PI15: variants seen among roughly 807,000 people sequenced by gnomAD.
PI15 encodes peptidase inhibitor 15.
PI15 carries 18 observed loss-of-function variants against 31.0 expected under a neutral mutation model. The observed-to-expected ratio is 0.58, with a 90% CI of 0.40 to 0.86. PI15 has a LOEUF of 0.86. PI15 is among the 40% of genes least tolerant of loss of function. PI15 has a pLI of 0.00. For synonymous variants in PI15, 118 were observed against 119.1 expected, an observed-to-expected ratio of 0.99 and a Z score of 0.06; for missense variants, 282 against 328.1, an observed-to-expected ratio of 0.86 and a Z score of 1.09.
rs2128767013 is a variant in PI15 at position 74,852,138 on chromosome 8, A to G, written c.*2885A>G. 1 of 152,548 alleles carries G rather than the reference A, an allele frequency of 6.6e-6. No individual in the cohort carries two copies. The highest frequency in any genetic ancestry group is 6.5e-5 in the Admixed American group (1 of 15,272). 9.4% of individuals were successfully genotyped at this position (152,548 alleles called of 1,614,324 possible). ...AGCTATTTCATAAAAGCAGCTTTAAATTGTCAGTATTAAGGTTTTCATGTG... is the reference window on the plus strand; with the variant it reads ...AGCTATTTCATAAAAGCAGCTTTAAGTTGTCAGTATTAAGGTTTTCATGTG... On this transcript the variant is annotated 3_prime_UTR_variant, in exon 6 of 6. Transcript: ENST00000260113.
chr8:74,833,329 A>G (rs1430907806), intron 2 of PI15, among the ~76,000 whole-genome samples: 1 of 152,190 alleles, frequency 6.6e-6, no homozygotes, highest in Non-Finnish European at 1.5e-5. Flanking sequence ...AGGGATCTAC[A>G]GAGATGAATT....
At chr8:74,845,282 A>G (rs1031168653) in intron 4 of PI15, 22 bp downstream of exon 4, 18 of 1,610,330 alleles carry the variant, frequency 1.1e-5, no homozygotes, top group Non-Finnish European at 1.4e-5. Context: ...TACCTTGTTA[A>G]TTTTTGATTC....
Position 74,850,977 on chromosome 8 carries a change from A to G in PI15, c.*1724A>G, listed in dbSNP as rs1271293943. 1 of 152,584 alleles carries G rather than the reference A, an allele frequency of 6.6e-6. No individual in the cohort carries two copies. Among genetic ancestry groups the G allele is most frequent in the Non-Finnish European group, 1.5e-5 (1 of 68,004 alleles). The allele number at this position is 152,584 out of a possible 1,614,324, so 9.5% of individuals were successfully genotyped here. A position where few individuals can be genotyped will look rare whatever the true frequency, so the allele number is the denominator to read the frequency against. On this transcript the variant is annotated 3_prime_UTR_variant, in exon 6 of 6. Transcript: ENST00000260113. ...CATACACGTTTGCAGTTTCTTGTACACATTTGGATACTTTGAAAGATGACA... is the reference window on the plus strand; with the variant it reads ...CATACACGTTTGCAGTTTCTTGTACGCATTTGGATACTTTGAAAGATGACA...
intron 2 of PI15, among the ~76,000 whole-genome samples, chr8:74,832,582 A>G (rs1810798583): frequency 6.6e-6 from 1 of 152,120 alleles, no homozygotes; most frequent in South Asian, 2.1e-4. Flanking sequence ...TTACCATTAA[A>G]TAGCTGTGAA....
intron 2 of PI15, among the ~76,000 whole-genome samples, chr8:74,840,676 C>A (rs1165039452): frequency 6.6e-6 from 1 of 152,202 alleles, no homozygotes; most frequent in Non-Finnish European, 1.5e-5. Flanking sequence ...GCATGGGGCC[C>A]TCTGACTTCC....
At chr8:74,838,337 T>C (rs2128764954) in intron 2 of PI15, among the ~76,000 whole-genome samples, 1 of 152,270 alleles carries the variant, frequency 6.6e-6, no homozygotes, top group South Asian at 2.1e-4. Flanking sequence ...GGCATTTTTG[T>C]AACCATTACA....
intron 2 of PI15, among the ~76,000 whole-genome samples, chr8:74,835,532 A>C (rs571400563): frequency 6.6e-5 from 10 of 152,320 alleles, no homozygotes; most frequent in Non-Finnish European, 1.5e-4. Flanking sequence ...CTATATACTG[A>C]AAGAATTAAT....
In PI15 at chr8:74,845,228, T is replaced by C. The variant is rs1205326488; in HGVS notation, c.493T>C (p.Cys165Arg). The C allele has an allele frequency of 6.2e-6, 10 of 1,613,506 alleles. No homozygotes were observed. The highest frequency in any genetic ancestry group is 8.5e-6 in the Non-Finnish European group (10 of 1,179,478). ...QDCNPRCPMR[C>R]FGPMCTHYTQ... Reference sequence around the variant, plus strand: ...TTGCAACCCCAGATGTCCTATGAGATGTTTTGGTCCCATGTGCACACATTA... The same window carrying C: ...TTGCAACCCCAGATGTCCTATGAGACGTTTTGGTCCCATGTGCACACATTA... The change falls in exon 4 of 6, where the codon TGT becomes CGT. Residue 165 changes from cysteine (C) to arginine (R), a missense_variant. Physicochemically the swap from Cys to Arg is radical, Grantham distance 180. Coordinates refer to ENST00000260113, the MANE Select transcript of PI15 (RefSeq NM_015886.5).
chr8:74,844,542 G>A (rs184379676), intron 3 of PI15, among the ~76,000 whole-genome samples: 1 of 151,242 alleles, frequency 6.6e-6, no homozygotes, highest in Admixed American at 6.6e-5. Context: ...TAAAAATGTA[G>A]GCATTTACAT....
At chr8:74,837,957 C>G (rs902592364) in intron 2 of PI15, among the ~76,000 whole-genome samples, 7 of 151,802 alleles carry the variant, frequency 4.6e-5, no homozygotes, top group African/African-American at 1.5e-4. Context: ...ATTCTTTTTT[C>G]CTTAAAATTT....
chr8:74,849,338 T>A lies in PI15; in HGVS notation c.*85T>A. ...ATATGGAGAGAGAATTTTGCACATATTATACATATTTTGTGCTAATCTTGT... is the reference window on the plus strand; with the variant it reads ...ATATGGAGAGAGAATTTTGCACATAATATACATATTTTGTGCTAATCTTGT... On this transcript the variant is annotated 3_prime_UTR_variant, in exon 6 of 6. Transcript: ENST00000260113. 1.0e-6 allele frequency: 1 copy of A among 1,004,304 alleles called. No homozygotes were observed. Among genetic ancestry groups the A allele is most frequent in the East Asian group, 2.7e-5 (1 of 37,452 alleles). 62.2% of individuals were successfully genotyped at this position (1,004,304 alleles called of 1,614,324 possible).
rs139721523 is a variant in PI15 at position 74,846,425 on chromosome 8, C to T, written c.641+928C>T. Among the ~76,000 whole-genome samples the T allele has an allele frequency of 8.3e-3, 1,261 of 152,180 alleles. 15 individuals carry two copies. The highest frequency in any genetic ancestry group is 0.017 in the East Asian group (89 of 5,184). On this transcript the variant is annotated intron_variant, in intron 5 of 5. Coordinates refer to ENST00000260113, the MANE Select transcript of PI15 (RefSeq NM_015886.5). ...AAAGCATTAAAATTTTACATTTATACGAAAATTTTAGTTTTACACATTGCA... is the reference window on the plus strand; with the variant it reads ...AAAGCATTAAAATTTTACATTTATATGAAAATTTTAGTTTTACACATTGCA...
chr8:74,833,917 G>A (rs1810824703), intron 2 of PI15, among the ~76,000 whole-genome samples: 1 of 152,212 alleles, frequency 6.6e-6, no homozygotes, highest in Non-Finnish European at 1.5e-5. Context: ...TGCAGCAGAT[G>A]AGTGAGCATT....
In PI15 at chr8:74,854,652, C is replaced by A. The variant is rs1811155039; in HGVS notation, c.*5399C>A. 1 of 152,068 alleles carries A rather than the reference C, an allele frequency of 6.6e-6. No homozygotes were observed. The highest frequency in any genetic ancestry group is 1.5e-5 in the Non-Finnish European group (1 of 68,002). The allele number at this position is 152,068 out of a possible 1,614,324, so 9.4% of individuals were successfully genotyped here. A position where few individuals can be genotyped will look rare whatever the true frequency, so the allele number is the denominator to read the frequency against. ...AATTAAATACTGTGCTAAGCTGGTG[C>A]TTGGATACATATTACAGCATCTTGT... On this transcript the variant is annotated 3_prime_UTR_variant, in exon 6 of 6. Transcript: ENST00000260113.
intron 2 of PI15, among the ~76,000 whole-genome samples, chr8:74,839,401 G>A (rs1326105577): frequency 6.6e-6 from 1 of 152,078 alleles, no homozygotes; most frequent in African/African-American, 2.4e-5. Flanking sequence ...CATCCTACAA[G>A]CCTATGCATA....
chr8:74,833,971 A>AT (rs1370509486), intron 2 of PI15, among the ~76,000 whole-genome samples: 1 of 152,126 alleles, frequency 6.6e-6, no homozygotes, highest in East Asian at 1.9e-4. Context: ...GCAGGATTAG[A>AT]TTTTCACAGG....
chr8:74,849,705 T>C lies in PI15; in HGVS notation c.*452T>C, dbSNP rs1177330614. 6.6e-6 allele frequency: 1 copy of C among 152,342 alleles called. No individual in the cohort carries two copies. Among genetic ancestry groups the C allele is most frequent in the African/African-American group, 2.4e-5 (1 of 41,442 alleles). The allele number at this position is 152,342 out of a possible 1,614,324, so 9.4% of individuals were successfully genotyped here. ...GATTCAGTAGTCAACTTGAGGGAAA[T>C]TTTTAAAAAACTATTCTCAATTATA... On this transcript the variant is annotated 3_prime_UTR_variant, in exon 6 of 6. Coordinates refer to ENST00000260113, the MANE Select transcript of PI15 (RefSeq NM_015886.5).
intron 2 of PI15, among the ~76,000 whole-genome samples, chr8:74,830,822 C>A (rs765512940): frequency 6.6e-6 from 1 of 151,960 alleles, no homozygotes. Flanking sequence ...TAATGTAAAC[C>A]TCTCCAATGC....
intron 2 of PI15, among the ~76,000 whole-genome samples, 168 bp downstream of exon 2, chr8:74,825,690 A>C (rs1269414217): frequency 6.6e-6 from 1 of 152,036 alleles, no homozygotes; most frequent in Non-Finnish European, 1.5e-5. Flanking sequence ...GTACTGTTGC[A>C]TCACAGAATC....
Sources: gnomAD v4.1 joint callset for allele counts (sites outside exome capture counted in the v4.1 genomes callset) on GRCh38, gnomAD v4.1.1 for gene constraint, MANE v1.5 for transcripts, NCBI Gene and HGNC (gene_info 2026-07-23, HGNC 2026-07-21) for gene names.